Variants in BCO2 observed in about 807,000 individuals in gnomAD.
BCO2 encodes beta-carotene oxygenase 2, also known as carotenoid-cleaving dioxygenase, mitochondrial.
A neutral mutation model predicts 65.8 loss-of-function variants in BCO2; 56 were observed. The ratio of observed to expected loss-of-function variants is 0.85; its 90% confidence interval spans 0.69 to 1.06. BCO2 has a LOEUF of 1.06. BCO2 is among the 50% of genes least tolerant of loss of function. The pLI is 0.00. For synonymous variants in BCO2, 233 were observed against 242.3 expected, an observed-to-expected ratio of 0.96 and a Z score of 0.36; for missense variants, 675 against 698.5, an observed-to-expected ratio of 0.97 and a Z score of 0.38.
At position 112,214,889 on chromosome 11, in the gene BCO2, G is replaced by A. The variant is rs759998420; in HGVS notation, c.1460G>A (p.Arg487Gln). Reference sequence around the variant, plus strand: ...CATTTCTTTTATGGCTGTGGCTTTCGGCATTTAGTGGGGGATTCTCTGATC... The same window carrying A: ...CATTTCTTTTATGGCTGTGGCTTTCAGCATTTAGTGGGGGATTCTCTGATC... ...KYHFFYGCGF[R>Q]HLVGDSLIKV... The change falls in exon 10 of 12, where the codon CGG (arginine) becomes CAG (glutamine). Residue 487 changes from arginine to glutamine, a missense_variant. Coordinates refer to ENST00000357685, the MANE Select transcript of BCO2 (RefSeq NM_031938.7). The A allele has an allele frequency of 1.5e-5, 24 of 1,613,984 alleles. No homozygotes were observed. Among genetic ancestry groups the A allele is most frequent in the East Asian group, 2.2e-5 (1 of 44,880 alleles).
chr11:112,200,699 G>A lies in BCO2; in HGVS notation c.952G>A (p.Ala318Thr), dbSNP rs1291743917. Residue 318 changes from alanine to threonine, a missense_variant, in exon 7 of 12, where the codon GCC (alanine) becomes ACC (threonine). Physicochemically the swap from Ala to Thr is moderately conservative, Grantham distance 58 (BLOSUM62 0). Coordinates refer to ENST00000357685, the MANE Select transcript of BCO2 (RefSeq NM_031938.7). ...TGCCACTTCTAAAATTCGGGGAAAG[G>A]CCTTTTCAGATGGGATAAGCTGGGA... ...KIATSKIRGK[A>T]FSDGISWEPQ... 3.1e-6 allele frequency: 5 copies of A among 1,613,856 alleles called. No homozygotes were observed. Among genetic ancestry groups the A allele is most frequent in the South Asian group, 1.1e-5 (1 of 91,048 alleles).
intron 6 of BCO2, 97 bp downstream of exon 6, chr11:112,199,924 C>CCATA: frequency 9.1e-6 from 13 of 1,425,136 alleles, no homozygotes; most frequent in East Asian, 2.3e-5. Context: ...TAGTTTATCA[C>CCATA]GCTATGGTGA....
At chr11:112,191,126 A>G (rs1208822966) in intron 2 of BCO2, among the ~76,000 whole-genome samples, 1 of 151,736 alleles carries the variant, frequency 6.6e-6, no homozygotes, top group Non-Finnish European at 1.5e-5. Flanking sequence ...ATTGTACCAG[A>G]TGTAAGCAAT....
At chr11:112,211,762 C>T (rs549181504) in intron 8 of BCO2, among the ~76,000 whole-genome samples, 1 of 152,318 alleles carries the variant, frequency 6.6e-6, no homozygotes, top group Admixed American at 6.5e-5. Context: ...AAACTTGCCC[C>T]AGTATCCAGT....
At chr11:112,213,959 T>A in intron 9 of BCO2, 98 bp downstream of exon 9, 1 of 1,026,980 alleles carries the variant, frequency 9.7e-7, no homozygotes, top group East Asian at 2.5e-5. Context: ...CAATAACTTT[T>A]ATAACATTCA....
At chr11:112,200,822 CA>C (rs1566788226) in intron 7 of BCO2, 49 bp downstream of exon 7, 1 of 1,584,330 alleles carries the variant, frequency 6.3e-7, no homozygotes, top group East Asian at 2.2e-5. Context: ...GAAACAAAGG[CA>C]AATTTCCATA....
chr11:112,186,462 A>T lies in BCO2; in HGVS notation c.293+6980A>T, dbSNP rs141324924. 4.4e-3 allele frequency among the ~76,000 whole-genome samples: 677 copies of T among 152,320 alleles called. 2 individuals are homozygous for T. Among genetic ancestry groups the T allele is most frequent in the Middle Eastern group, 0.02 (6 of 294 alleles). Reference sequence around the variant, plus strand: ...TCAAAAGGAGATAGACACTCAGTTTAGTGGTTGACTCCCCAGATAGGACCT... The same window carrying T: ...TCAAAAGGAGATAGACACTCAGTTTTGTGGTTGACTCCCCAGATAGGACCT... On this transcript the variant is annotated intron_variant, in intron 2 of 11. Coordinates refer to ENST00000357685, the MANE Select transcript of BCO2 (RefSeq NM_031938.7).
chr11:112,176,733 A>G (rs11214112), intron 1 of BCO2, among the ~76,000 whole-genome samples: 2 of 152,006 alleles, frequency 1.3e-5, no homozygotes, highest in Admixed American at 1.3e-4. Flanking sequence ...TTTATATTTG[A>G]TTATGACAAC....
At position 112,183,039 on chromosome 11, in the gene BCO2, C is replaced by G. The variant is rs916119384; in HGVS notation, c.293+3557C>G. 4.3e-6 allele frequency: 5 copies of G among 1,150,516 alleles called. No homozygotes were observed. The African/African-American group carries it at 7.6e-5, about 17-fold the overall frequency. The allele number at this position is 1,150,516 out of a possible 1,614,324, so 71.3% of individuals were successfully genotyped here. A position where few individuals can be genotyped will look rare whatever the true frequency, so the allele number is the denominator to read the frequency against. On this transcript the variant is annotated intron_variant, in intron 2 of 11. Coordinates refer to ENST00000357685, the MANE Select transcript of BCO2 (RefSeq NM_031938.7). ...AAATGCAAAGTTGAAGAACTGTAACCTCAGAGGAGCGACTCTGGCAGGAAC... is the reference window on the plus strand; with the variant it reads ...AAATGCAAAGTTGAAGAACTGTAACGTCAGAGGAGCGACTCTGGCAGGAAC...
chr11:112,201,034 T>C (rs570093346), intron 7 of BCO2, among the ~76,000 whole-genome samples: 67 of 152,236 alleles, frequency 4.4e-4, no homozygotes, highest in Non-Finnish European at 9.1e-4. Context: ...TCTCTTAGCA[T>C]GGACTTTTTC....
chr11:112,216,499 A>T (rs923185999), intron 11 of BCO2, among the ~76,000 whole-genome samples, 169 bp downstream of exon 11: 1 of 152,226 alleles, frequency 6.6e-6, no homozygotes, highest in East Asian at 1.9e-4. Context: ...TTATTGTTTT[A>T]AAGTTCTGTT....
At position 112,179,372 on chromosome 11, in the gene BCO2, G is replaced by A. The variant is rs145531246; in HGVS notation, c.183G>A (p.Val61=). 61 of 1,614,068 alleles carry A rather than the reference G, an allele frequency of 3.8e-5. No individual in the cohort carries two copies. The highest frequency in any genetic ancestry group is 4.7e-5 in the Non-Finnish European group (55 of 1,180,042). Residue 61 remains valine (V), a synonymous_variant, in exon 2 of 12, where the codon GTG becomes GTA. Coordinates refer to ENST00000357685, the MANE Select transcript of BCO2 (RefSeq NM_031938.7). ...LPCVAPLLTT[V]EEAPRGISAR... is the part of the protein sequence containing the mutation. Reference sequence around the variant, plus strand: ...GTGTTGCACCGCTGCTGACCACAGTGGAAGAGGCTCCACGGGGCATCTCTG... The same window carrying A: ...GTGTTGCACCGCTGCTGACCACAGTAGAAGAGGCTCCACGGGGCATCTCTG...
chr11:112,206,960 C>A (rs1859361430), intron 8 of BCO2, among the ~76,000 whole-genome samples: 1 of 152,102 alleles, frequency 6.6e-6, no homozygotes, highest in South Asian at 2.1e-4. Context: ...TAAATGGTAT[C>A]TTTTAAGCTT....
At chr11:112,200,524 A>T in intron 6 of BCO2, 89 bp from the exon 7 acceptor site, 1 of 1,175,590 alleles carries the variant, frequency 8.5e-7, no homozygotes, top group Non-Finnish European at 1.2e-6. Flanking sequence ...TAACGTGTCC[A>T]GGCATTCAGA....
chr11:112,217,502 C>T (rs979523056), intron 11 of BCO2, among the ~76,000 whole-genome samples: 48 of 152,322 alleles, frequency 3.2e-4, no homozygotes, highest in Middle Eastern at 3.4e-3. Flanking sequence ...GCTGGTACTA[C>T]AGGTGTGCAC....
chr11:112,198,953 A>G (rs1867653377), intron 5 of BCO2, among the ~76,000 whole-genome samples: 1 of 151,440 alleles, frequency 6.6e-6, no homozygotes. Flanking sequence ...ACCTCATTAT[A>G]TAATAGCTCT....
chr11:112,198,682 T>G, intron 5 of BCO2, among the ~76,000 whole-genome samples: 1 of 151,966 alleles, frequency 6.6e-6, no homozygotes, highest in Non-Finnish European at 1.5e-5. Flanking sequence ...GCCAGATGAA[T>G]GATTGCATGA....
chr11:112,212,011 A>G (rs1859525500), intron 8 of BCO2, among the ~76,000 whole-genome samples: 1 of 152,216 alleles, frequency 6.6e-6, no homozygotes, highest in Admixed American at 6.5e-5. Flanking sequence ...ATTTTTAAAA[A>G]GTTGGTAACT....
At chr11:112,199,463 A>G (rs1380740939) in intron 5 of BCO2, among the ~76,000 whole-genome samples, 1 of 141,728 alleles carries the variant, frequency 7.1e-6, no homozygotes, top group Non-Finnish European at 1.5e-5. Context: ...ATTATAGTAC[A>G]ATGAATCATT....
Sources: allele counts gnomAD v4.1 joint callset (sites outside exome capture counted in the v4.1 genomes callset), GRCh38; gene constraint gnomAD v4.1.1; transcripts MANE v1.5; gene names NCBI Gene and HGNC (gene_info 2026-07-23, HGNC 2026-07-21).